TGIF1: variants seen among roughly 807,000 people sequenced by gnomAD.
TGIF1 encodes the protein homeobox protein TGIF1.
TGIF1 carries 4 observed loss-of-function variants against 19.3 expected under a neutral mutation model. That is an observed-to-expected ratio of 0.21 (90% CI 0.10 to 0.47). The LOEUF (loss-of-function observed/expected upper bound fraction) is 0.47, where lower values mean the gene tolerates loss of function less well. TGIF1 is among the 20% of genes least tolerant of loss of function. The pLI, the probability that TGIF1 is intolerant of heterozygous loss-of-function variation, is 0.98. For missense variants in TGIF1, 275 were observed against 341.4 expected (o/e 0.81, Z 1.53); for synonymous variants, 122 against 129.3 (o/e 0.94, Z 0.38).
Position 3,451,279 on chromosome 18 carries a change from G to T in TGIF1, c.16+774G>T, listed in dbSNP as rs2082916420. ...AGAGCAAGGCTGTCATTGTTTCCAC[G>T]AAGTGTTCTGGAAGCTTTACAACTA... On this transcript the variant is annotated intron_variant, in intron 1 of 2. Coordinates refer to ENST00000343820, the MANE Select transcript of TGIF1 (RefSeq NM_003244.4). The surrounding 1 kb of genome is among the most constrained non-coding windows in gnomAD (Gnocchi z 5.4). 2 of 838,594 alleles carry T rather than the reference G, an allele frequency of 2.4e-6. No individual in the cohort carries two copies. The highest frequency in any genetic ancestry group is 5.5e-5 in the South Asian group (1 of 18,258). 51.9% of individuals were successfully genotyped at this position (838,594 alleles called of 1,614,324 possible).
chr18:3,451,177 C>A lies in TGIF1; in HGVS notation c.16+672C>A, dbSNP rs533950767. Among the ~76,000 whole-genome samples the A allele has an allele frequency of 1.3e-5, 2 of 152,148 alleles. No homozygotes were observed. The highest frequency in any genetic ancestry group is 2.9e-5 in the Non-Finnish European group (2 of 68,020). ...TTTGGGGCAGGAGGAAGAGTTAGCA[C>A]CCAGGGCCAGCAGCTTCAAGCGGCA... is the stretch of plus-strand genomic sequence containing the variant. On this transcript the variant is annotated intron_variant, in intron 1 of 2. Transcript: ENST00000343820. This position sits in a 1 kb window ranked among gnomAD's most constrained non-coding sequence, Gnocchi z 5.4.
At chr18:3,440,631 G>C (rs2082669334) in intron 2 of TGIF1, among the ~76,000 whole-genome samples, 1 of 152,088 alleles carries the variant, frequency 6.6e-6, no homozygotes, top group Admixed American at 6.6e-5. Flanking sequence ...ACACAACTGT[G>C]TCCCATTTCA....
At position 3,458,213 on chromosome 18, in the gene TGIF1, T is replaced by A; in HGVS notation, c.*273T>A. On this transcript the variant is annotated 3_prime_UTR_variant, in exon 3 of 3. Transcript: ENST00000343820. Reference sequence around the variant, plus strand: ...TTCCCAATATCATGTGATTTTTTTTTTCCTCCCCTTCCCTTTTTTTGTTAT... The same window carrying A: ...TTCCCAATATCATGTGATTTTTTTTATCCTCCCCTTCCCTTTTTTTGTTAT... 1 of 418,156 alleles carries A rather than the reference T, an allele frequency of 2.4e-6. No homozygotes were observed. Among genetic ancestry groups the A allele is most frequent in the South Asian group, 2.9e-5 (1 of 34,786 alleles). The allele number at this position is 418,156 out of a possible 1,614,324, so 25.9% of individuals were successfully genotyped here. A position where few individuals can be genotyped will look rare whatever the true frequency, so the allele number is the denominator to read the frequency against.
intron 2 of TGIF1, among the ~76,000 whole-genome samples, chr18:3,424,461 C>A (rs1358320412): frequency 6.6e-6 from 1 of 152,134 alleles, no homozygotes; most frequent in African/African-American, 2.4e-5. Context: ...ATTCTCATAT[C>A]AGCTTCTGCA....
chr18:3,436,433 G>A (rs2082615279), intron 2 of TGIF1, among the ~76,000 whole-genome samples: 1 of 152,154 alleles, frequency 6.6e-6, no homozygotes, highest in Admixed American at 6.6e-5. Context: ...ATTTTAATTT[G>A]TGTTTTGCTT....
chr18:3,421,491 CAA>C (rs1269439668), intron 2 of TGIF1, among the ~76,000 whole-genome samples: 2 of 151,248 alleles, frequency 1.3e-5, no homozygotes, highest in African/African-American at 4.9e-5. Context: ...TGGCTCACCG[CAA>C]CTTCCACCTC....
At chr18:3,434,621 A>G (rs1234452464) in intron 2 of TGIF1, among the ~76,000 whole-genome samples, 2 of 152,242 alleles carry the variant, frequency 1.3e-5, no homozygotes, top group Admixed American at 1.3e-4. Flanking sequence ...AGGCTGAGGC[A>G]GGAGAATCGC....
upstream of TGIF1, chr18:3,449,960 G>A (rs1212459427): frequency 9.1e-6 from 9 of 987,170 alleles, no homozygotes; most frequent in Non-Finnish European, 1.1e-5. Flanking sequence ...GTGCGCGGCA[G>A]GCGGAAAGGA....
Position 3,451,815 on chromosome 18 carries a change from A to G in TGIF1, c.16+1310A>G. ...GGACCCCTCCCCGCGGGACGGAGGG[A>G]GGACTCGGGACAGGGAATTGGCCCT... On this transcript the variant is annotated intron_variant, in intron 1 of 2. Coordinates refer to ENST00000343820, the MANE Select transcript of TGIF1 (RefSeq NM_003244.4). The surrounding 1 kb of genome is among the most constrained non-coding windows in gnomAD (Gnocchi z 5.4). The G allele has an allele frequency of 7.7e-7, 1 of 1,304,028 alleles. No homozygotes were observed. The highest frequency in any genetic ancestry group is 2.7e-5 in the South Asian group (1 of 37,406). 80.8% of individuals were successfully genotyped at this position (1,304,028 alleles called of 1,614,324 possible). A position where few individuals can be genotyped will look rare whatever the true frequency, so the allele number is the denominator to read the frequency against.
At chr18:3,450,877 C>T (rs2143313594) in intron 1 of TGIF1, among the ~76,000 whole-genome samples, 1 of 152,192 alleles carries the variant, frequency 6.6e-6, no homozygotes, top group South Asian at 2.1e-4. Flanking sequence ...GTAGGGAGGA[C>T]CCAGCCCCTC....
At chr18:3,444,838 G>A (rs238540) in intron 2 of TGIF1, among the ~76,000 whole-genome samples, 104,267 of 152,156 alleles carry the variant, frequency 0.69, 36,006 homozygotes, top group East Asian at 0.9. Flanking sequence ...CAACAGTCAA[G>A]TAAGCAAAAT....
chr18:3,416,116 T>C (rs1411550684), intron 1 of TGIF1, among the ~76,000 whole-genome samples: 2 of 152,274 alleles, frequency 1.3e-5, no homozygotes, highest in Non-Finnish European at 2.9e-5. Context: ...TAGAAAGTTG[T>C]TATGACCTTC....
In TGIF1 at chr18:3,431,292, TAAG is replaced by T. The variant is rs1340487618; in HGVS notation, c.-45+13080_-45+13082del. Among the ~76,000 whole-genome samples, 3 of 152,158 alleles carry T rather than the reference TAAG, an allele frequency of 2.0e-5. No homozygotes were observed. In the East Asian group the frequency reaches 5.8e-4, roughly 29 times the overall value. On this transcript the variant is annotated intron_variant, in intron 2 of 3. Transcript: ENST00000401449. ...TGAAACTCCGTCTCTAGTAAAAATA[TAAG>T]AATTAGTCGGGTGTAGTGGTGGGTG...
chr18:3,449,927 C>G, upstream of TGIF1: 15 of 986,198 alleles, frequency 1.5e-5, no homozygotes, highest in Non-Finnish European at 1.8e-5. Flanking sequence ...CCCCCACCGC[C>G]GGGCGAGGGA....
chr18:3,437,613 CAG>C (rs901925563), intron 2 of TGIF1, among the ~76,000 whole-genome samples: 3 of 152,180 alleles, frequency 2.0e-5, no homozygotes, highest in African/African-American at 4.8e-5. Flanking sequence ...GTATGAAAAA[CAG>C]AGGTTATTTG....
chr18:3,440,661 A>G (rs957642669), intron 2 of TGIF1, among the ~76,000 whole-genome samples: 5 of 152,232 alleles, frequency 3.3e-5, no homozygotes, highest in South Asian at 2.1e-4. Flanking sequence ...TCAGGTTTTT[A>G]TACAAGATTT....
upstream of TGIF1, among the ~76,000 whole-genome samples, chr18:3,445,426 T>C (rs1229470828): frequency 6.6e-6 from 1 of 151,912 alleles, no homozygotes; most frequent in Non-Finnish European, 1.5e-5. Context: ...TTTTTTGTAG[T>C]TAAAAAATGA....
intron 2 of TGIF1, among the ~76,000 whole-genome samples, chr18:3,437,652 A>C (rs1314525185): frequency 6.6e-6 from 1 of 152,222 alleles, no homozygotes; most frequent in Non-Finnish European, 1.5e-5. Context: ...GCTACACGGA[A>C]GGGCTTGTAT....
chr18:3,439,094 CAT>C (rs2082651101), intron 2 of TGIF1, among the ~76,000 whole-genome samples: 1 of 152,044 alleles, frequency 6.6e-6, no homozygotes, highest in Admixed American at 6.6e-5. Context: ...ATCCAGAAGA[CAT>C]ATGATGTCTG....
Sources: allele counts gnomAD v4.1 joint callset (sites outside exome capture counted in the v4.1 genomes callset), GRCh38; gene constraint gnomAD v4.1.1; non-coding constraint Gnocchi (gnomAD v3.1); transcripts MANE v1.5; gene names NCBI Gene and HGNC (gene_info 2026-07-23, HGNC 2026-07-21).